The following SYNE2 variants were observed in gnomAD, a reference collection of about 807,000 sequenced individuals.
SYNE2 encodes nesprin-2.
A neutral mutation model predicts 856.3 loss-of-function variants in SYNE2; 431 were observed. The observed-to-expected ratio is 0.50, with a 90% confidence interval of 0.47 to 0.55. The LOEUF (loss-of-function observed/expected upper bound fraction) is 0.55, where lower values mean the gene tolerates loss of function less well. Among genes scored for constraint, SYNE2 ranks in the 20% least tolerant of loss-of-function variants. The pLI is 0.00. For missense variants in SYNE2, 8,129 were observed against 8,023.2 expected (o/e 1.01, Z -0.50); for synonymous variants, 2,923 against 2,872.3 (o/e 1.02, Z -0.56).
chr14:63,912,604 G>A (rs967611177), intron 2 of SYNE2, among the ~76,000 whole-genome samples: 5 of 152,186 alleles, frequency 3.3e-5, no homozygotes, highest in African/African-American at 1.2e-4. Flanking sequence ...GATAGAGACA[G>A]TAGAATGGCC....
intron 45 of SYNE2, among the ~76,000 whole-genome samples, chr14:64,037,275 G>GCGGAA (rs1216361374): frequency 6.6e-6 from 1 of 151,870 alleles, no homozygotes; most frequent in Non-Finnish European, 1.5e-5. Context: ...GGAGGACCCT[G>GCGGAA]CGGCCTTCCG....
At chr14:63,947,852 A>G (rs2096060607) in intron 6 of SYNE2, among the ~76,000 whole-genome samples, 1 of 152,088 alleles carries the variant, frequency 6.6e-6, no homozygotes, top group Non-Finnish European at 1.5e-5. Context: ...AAAAAGAAAG[A>G]AAAGCTCACC....
At chr14:63,885,794 C>T (rs112042306) in intron 1 of SYNE2, among the ~76,000 whole-genome samples, 2 of 152,066 alleles carry the variant, frequency 1.3e-5, no homozygotes, top group Non-Finnish European at 2.9e-5. Flanking sequence ...TAGCTATATA[C>T]GCATTCAACA....
At chr14:64,092,753 A>G (rs993364346) in intron 60 of SYNE2, among the ~76,000 whole-genome samples, 1 of 152,192 alleles carries the variant, frequency 6.6e-6, no homozygotes, top group Non-Finnish European at 1.5e-5. Context: ...CTAGCACTAG[A>G]TGCCAGGTAT....
intron 44 of SYNE2, 44 bp from the exon 45 acceptor site, chr14:64,030,972 G>T: frequency 7.1e-7 from 1 of 1,414,652 alleles, no homozygotes; most frequent in Non-Finnish European, 1.0e-6. Flanking sequence ...ATTAACTTTT[G>T]TGGCAATTGA....
intron 35 of SYNE2, 77 bp downstream of exon 35, chr14:64,020,170 G>A: frequency 9.7e-7 from 1 of 1,034,004 alleles, no homozygotes; most frequent in Non-Finnish European, 1.5e-6. Flanking sequence ...TCCAGCCTGG[G>A]CGACAGAGCA....
In SYNE2 at chr14:64,096,588, G is replaced by A. The variant is rs2097679363; in HGVS notation, c.12109-1361G>A. 3.3e-5 allele frequency among the ~76,000 whole-genome samples: 5 copies of A among 152,304 alleles called. No homozygotes were observed. The South Asian group carries it at 1.0e-3, about 32-fold the overall frequency. ...TATTGAAAGTGGAACACAAAATGCA[G>A]CCAACTCAGATTTAAGTCAAACAGT... On this transcript the variant is annotated intron_variant, in intron 61 of 115. Transcript: ENST00000555002.
chr14:63,837,506 A>G (rs1889897956), intron 1 of SYNE2, among the ~76,000 whole-genome samples: 1 of 152,236 alleles, frequency 6.6e-6, no homozygotes, highest in African/African-American at 2.4e-5. Flanking sequence ...CAATGAAGAC[A>G]ACACACAGAA....
At position 63,974,610 on chromosome 14, in the gene SYNE2, G is replaced by A. The variant is rs570644014; in HGVS notation, c.1129-1953G>A. Among the ~76,000 whole-genome samples the A allele has an allele frequency of 2.6e-5, 4 of 151,668 alleles. No individual in the cohort carries two copies. In the South Asian group the frequency reaches 8.4e-4, roughly 32 times the overall value. ...GTCTCGCTCTGTTGCCCAGGCTGGA[G>A]TGCACTGGTGTGATCTTGGCTCACT... On this transcript the variant is annotated intron_variant, in intron 11 of 115. Transcript: ENST00000555002.
intron 6 of SYNE2, among the ~76,000 whole-genome samples, chr14:63,948,128 CGT>C (rs2096064273): frequency 6.7e-6 from 1 of 148,470 alleles, no homozygotes; most frequent in South Asian, 2.2e-4. Context: ...AGTTTTCACA[CGT>C]GTGCGTGCGC....
At chr14:64,072,626 A>G (rs1289686501) in intron 52 of SYNE2, among the ~76,000 whole-genome samples, 1 of 151,914 alleles carries the variant, frequency 6.6e-6, no homozygotes, top group African/African-American at 2.4e-5. Context: ...CAGCCTCCTG[A>G]GTAGCTGGGA....
intron 18 of SYNE2, among the ~76,000 whole-genome samples, chr14:63,984,364 G>C (rs1176656819): frequency 6.6e-6 from 1 of 152,230 alleles, no homozygotes; most frequent in East Asian, 1.9e-4. Flanking sequence ...GAAGTCTTTA[G>C]CATGAAAGTC....
At chr14:63,899,964 A>C (rs2095313801) in intron 1 of SYNE2, among the ~76,000 whole-genome samples, 1 of 152,216 alleles carries the variant, frequency 6.6e-6, no homozygotes, top group Admixed American at 6.5e-5. Flanking sequence ...AATTGTTGTC[A>C]TTTTTAGTTT....
chr14:64,189,660 T>C (rs550073934), intron 98 of SYNE2, among the ~76,000 whole-genome samples: 44 of 152,354 alleles, frequency 2.9e-4, no homozygotes, highest in African/African-American at 1.0e-3. Context: ...TTTTAGCTGC[T>C]CACTGAAAAG....
At chr14:63,941,553 T>C in intron 3 of SYNE2, 142 bp from the exon 4 acceptor site, 1 of 699,560 alleles carries the variant, frequency 1.4e-6, no homozygotes, top group Admixed American at 2.6e-5. Flanking sequence ...TATGAATCTT[T>C]GCATGTTCTC....
In SYNE2 at chr14:64,119,597, C is replaced by T. The variant is rs2097882431; in HGVS notation, c.13011C>T (p.His4337=). Reference sequence around the variant, plus strand: ...TCCAGATGATGCTTCAGGAGAAGCACAGTGAAGATCAGGTAAAAAATGACT... The same window carrying T: ...TCCAGATGATGCTTCAGGAGAAGCATAGTGAAGATCAGGTAAAAAATGACT... ...EKVQMMLQEK[H]SEDQHPTILK... Residue 4337 remains histidine, a synonymous_variant, in exon 67 of 116, where the codon CAC becomes CAT. Transcript: ENST00000555002. 1.5e-5 allele frequency: 24 copies of T among 1,613,944 alleles called. No homozygotes were observed. The highest frequency in any genetic ancestry group is 1.7e-5 in the Non-Finnish European group (20 of 1,179,982).
At chr14:63,978,069 C>A in intron 13 of SYNE2, 52 bp downstream of exon 13, 1 of 1,151,090 alleles carries the variant, frequency 8.7e-7, no homozygotes, top group Non-Finnish European at 1.3e-6. Flanking sequence ...GTTTGAGTAA[C>A]AACTGATACT....
At chr14:64,219,089 C>T in intron 109 of SYNE2, 119 bp from the exon 110 acceptor site, 2 of 890,318 alleles carry the variant, frequency 2.2e-6, no homozygotes, top group Admixed American at 2.7e-5. Flanking sequence ...CAGGGGAATC[C>T]CCTACAGTTT....
intron 1 of SYNE2, among the ~76,000 whole-genome samples, chr14:63,770,220 A>G (rs889176722): frequency 6.6e-6 from 1 of 152,190 alleles, no homozygotes; most frequent in African/African-American, 2.4e-5. Flanking sequence ...ATAATGAAAT[A>G]CCGGGGGAAA....
Sources: gnomAD v4.1 joint callset for allele counts (sites outside exome capture counted in the v4.1 genomes callset) on GRCh38, gnomAD v4.1.1 for gene constraint, MANE v1.5 for transcripts, NCBI Gene and HGNC (gene_info 2026-07-23, HGNC 2026-07-21) for gene names.